The following ABAT variants were observed in gnomAD, a reference collection of about 807,000 sequenced individuals.
ABAT encodes the protein 4-aminobutyrate aminotransferase, also known as 4-aminobutyrate aminotransferase, mitochondrial.
Under a neutral mutation model 64.6 loss-of-function variants are expected in ABAT, and 45 were observed. That is an observed-to-expected ratio of 0.70 (90% CI 0.55 to 0.89). The LOEUF is 0.89. Among genes scored for constraint, ABAT ranks in the 40% least tolerant of loss-of-function variants. The probability of loss-of-function intolerance (pLI) is 0.00; values close to 1 mark genes in which losing one functional copy is unlikely to be tolerated. For missense variants in ABAT, 633 were observed against 658.4 expected, an observed-to-expected ratio of 0.96 and a Z score of 0.42; for synonymous variants, 297 against 250.5, an observed-to-expected ratio of 1.19 and a Z score of -1.75.
At chr16:8,735,665 A>G (rs1264587266) in intron 1 of ABAT, 34 bp from the exon 2 acceptor site, 1 of 1,532,444 alleles carries the variant, frequency 6.5e-7, no homozygotes, top group Non-Finnish European at 8.8e-7. Flanking sequence ...AGTGGTCTTC[A>G]TGGGCCTAAG....
intron 1 of ABAT, chr16:8,713,832 T>A (rs2058135322): frequency 4.4e-6 from 2 of 455,784 alleles, no homozygotes; most frequent in Non-Finnish European, 8.8e-6. Flanking sequence ...GCAAGCGAGC[T>A]GAGCTCGCCG....
intron 1 of ABAT, among the ~76,000 whole-genome samples, chr16:8,703,283 C>T (rs528885789): frequency 5.9e-4 from 90 of 151,934 alleles, no homozygotes; most frequent in Admixed American, 1.4e-3. Context: ...GGCGAAACCC[C>T]GTCTCTACTA....
At chr16:8,711,649 T>C (rs1179568322) in intron 1 of ABAT, among the ~76,000 whole-genome samples, 1 of 145,366 alleles carries the variant, frequency 6.9e-6, no homozygotes, top group Admixed American at 7.0e-5. Flanking sequence ...ACCGTGAGTG[T>C]CCATGAGCTC....
chr16:8,752,632 T>G (rs1811482697), intron 5 of ABAT, among the ~76,000 whole-genome samples: 2 of 152,146 alleles, frequency 1.3e-5, no homozygotes, highest in Non-Finnish European at 2.9e-5. Context: ...CTAGTCATGC[T>G]GGTGCATGCC....
In ABAT at chr16:8,775,140, G is replaced by C. The variant is rs181808644; in HGVS notation, c.1122+83G>C. ...TCCTAACTGTTCCTTTCTCACCATCGAGGAGCTGGGTGGGCACTTACTGGG... is the reference window on the plus strand; with the variant it reads ...TCCTAACTGTTCCTTTCTCACCATCCAGGAGCTGGGTGGGCACTTACTGGG... On this transcript the variant is annotated intron_variant, in intron 13 of 15. Coordinates refer to ENST00000268251, the MANE Select transcript of ABAT (RefSeq NM_020686.6). 2.5e-6 allele frequency: 4 copies of C among 1,588,072 alleles called. No homozygotes were observed. The African/African-American group carries it at 5.4e-5, about 21-fold the overall frequency.
intron 1 of ABAT, among the ~76,000 whole-genome samples, chr16:8,687,238 C>T (rs765463882): frequency 9.9e-5 from 15 of 152,172 alleles, no homozygotes; most frequent in Non-Finnish European, 2.1e-4. Context: ...CCCGCTCTTC[C>T]GGGTTCTTCA....
intron 10 of ABAT, 22 bp from the exon 11 acceptor site, chr16:8,768,802 CT>C: frequency 6.2e-7 from 1 of 1,614,040 alleles, no homozygotes; most frequent in Non-Finnish European, 8.5e-7. Flanking sequence ...CAAGCGTCTG[CT>C]TTTCTGTTTT....
At chr16:8,770,189 G>A (rs1279649040) in intron 11 of ABAT, among the ~76,000 whole-genome samples, 1 of 152,186 alleles carries the variant, frequency 6.6e-6, no homozygotes, top group South Asian at 2.1e-4. Context: ...CCAGGCTGGA[G>A]TGCAGTGGCG....
At chr16:8,687,378 T>C (rs913928744) in intron 1 of ABAT, among the ~76,000 whole-genome samples, 13 of 152,020 alleles carry the variant, frequency 8.6e-5, no homozygotes. Flanking sequence ...CAAAAAAAAT[T>C]AGCTGGGTGT....
chr16:8,702,011 A>T (rs1223487773), intron 1 of ABAT, among the ~76,000 whole-genome samples: 3 of 152,052 alleles, frequency 2.0e-5, no homozygotes, highest in Non-Finnish European at 4.4e-5. Context: ...CTCTGATGGC[A>T]TTGGCTGTCA....
At chr16:8,746,131 G>T in intron 3 of ABAT, 33 bp downstream of exon 3, 1 of 1,569,632 alleles carries the variant, frequency 6.4e-7, no homozygotes, top group Non-Finnish European at 8.8e-7. Flanking sequence ...GGGTATTTTG[G>T]AAAAGGGAAA....
chr16:8,711,810 G>A (rs28503197), intron 1 of ABAT, among the ~76,000 whole-genome samples: 1,703 of 111,754 alleles, frequency 0.015, 27 homozygotes, highest in African/African-American at 0.03. Context: ...ATGGATGGAT[G>A]GATGGATGGA....
rs569753087 is a variant in ABAT, at chr16:8,747,672, G to C, written c.169-436G>C. Among the ~76,000 whole-genome samples the C allele has an allele frequency of 1.7e-3, 255 of 152,242 alleles. 2 individuals carry two copies. The highest frequency in any genetic ancestry group is 3.2e-3 in the Non-Finnish European group (217 of 68,016). ...ATTCCCTGTTTCTGTATAGGATAAA[G>C]TACAAGTGGTTTATGGAGTGTTTGG... is the stretch of plus-strand genomic sequence containing the variant. On this transcript the variant is annotated intron_variant, in intron 3 of 15. Transcript: ENST00000268251.
intron 1 of ABAT, among the ~76,000 whole-genome samples, chr16:8,718,892 A>T (rs531751891): frequency 1.3e-3 from 205 of 152,378 alleles, no homozygotes; most frequent in African/African-American, 4.7e-3. Flanking sequence ...GCTGCCAGGC[A>T]CACAGCGTGA....
At chr16:8,687,207 G>GAGCAA (rs2057474866) in intron 1 of ABAT, among the ~76,000 whole-genome samples, 1 of 152,134 alleles carries the variant, frequency 6.6e-6, no homozygotes, top group Non-Finnish European at 1.5e-5. Context: ...CCCTCCCACG[G>GAGCAA]AGCAGGTGCT....
Position 8,723,827 on chromosome 16 carries a change from A to ATATATT in ABAT, c.-41-11871_-41-11870insATATTT, listed in dbSNP as rs1567286201. Among the ~76,000 whole-genome samples, 22 of 40,364 alleles carry ATATATT rather than the reference A, an allele frequency of 5.5e-4. 1 individual carries two copies. Among genetic ancestry groups the ATATATT allele is most frequent in the Non-Finnish European group, 8.4e-4 (21 of 24,940 alleles). 26.5% of individuals were successfully genotyped at this position (40,364 alleles called of 152,430 possible). A position where few individuals can be genotyped will look rare whatever the true frequency, so the allele number is the denominator to read the frequency against. ...AAGCTTTTTATATATATATATATAT[A>ATATATT]TTTTTTTTTTTTTTTTTTTTTTTTT... On this transcript the variant is annotated intron_variant, in intron 1 of 15. Transcript: ENST00000268251.
chr16:8,681,529 T>C (rs1429757656), intron 1 of ABAT, among the ~76,000 whole-genome samples: 1 of 151,762 alleles, frequency 6.6e-6, no homozygotes, highest in East Asian at 1.9e-4. Context: ...TGATCATGTT[T>C]ACCTGGAACC....
rs1345474169 is a variant in ABAT, at chr16:8,781,703, A to C, written c.*273A>C. The C allele has an allele frequency of 1.1e-5, 6 of 531,898 alleles. No individual in the cohort carries two copies. The highest frequency in any genetic ancestry group is 2.0e-5 in the Non-Finnish European group (6 of 294,770). The allele number at this position is 531,898 out of a possible 1,614,324, so 32.9% of individuals were successfully genotyped here. ...GACTCATCTTGGGAAGGGCCATGGGAGGTCCTGGCTAGAGTTCTGCCCAAC... is the reference window on the plus strand; with the variant it reads ...GACTCATCTTGGGAAGGGCCATGGGCGGTCCTGGCTAGAGTTCTGCCCAAC... On this transcript the variant is annotated 3_prime_UTR_variant, in exon 16 of 16. Transcript: ENST00000268251. This position sits in a 1 kb window ranked among gnomAD's most constrained non-coding sequence, Gnocchi z 4.5.
At chr16:8,745,523 C>A (rs922674779) in intron 2 of ABAT, among the ~76,000 whole-genome samples, 2 of 151,692 alleles carry the variant, frequency 1.3e-5, no homozygotes, top group African/African-American at 4.8e-5. Context: ...ATGGCGAAAC[C>A]CCGTCTCTAC....
Sources: gnomAD v4.1 joint callset for allele counts (sites outside exome capture counted in the v4.1 genomes callset) on GRCh38, gnomAD v4.1.1 for gene constraint, Gnocchi (gnomAD v3.1) non-coding constraint, MANE v1.5 for transcripts, NCBI Gene and HGNC (gene_info 2026-07-23, HGNC 2026-07-21) for gene names.